DSTYK: variants seen among roughly 807,000 people sequenced by gnomAD.
DSTYK encodes RIP-homologous kinase.
DSTYK carries 34 observed loss-of-function variants against 98.7 expected under a neutral mutation model. The ratio of observed to expected loss-of-function variants is 0.34; its 90% CI spans 0.26 to 0.46. DSTYK has a LOEUF of 0.46. DSTYK is among the 20% of genes least tolerant of loss of function. The pLI is 1.00. For synonymous variants in DSTYK, 462 were observed against 457.3 expected (o/e 1.01, Z -0.13); for missense variants, 962 against 1,181.7 (o/e 0.81, Z 2.73).
At chr1:205,163,692 C>A in intron 4 of DSTYK, 31 bp downstream of exon 4, 1 of 1,563,700 alleles carries the variant, frequency 6.4e-7, no homozygotes, top group Non-Finnish European at 8.8e-7. Flanking sequence ...CTATCTATGA[C>A]ACGATGTCTT....
chr1:205,209,290 G>A (rs1452935165), intron 1 of DSTYK, among the ~76,000 whole-genome samples: 1 of 152,220 alleles, frequency 6.6e-6, no homozygotes, highest in East Asian at 1.9e-4. Context: ...AGCTGTGAGA[G>A]AAACTTCCGA....
intron 1 of DSTYK, among the ~76,000 whole-genome samples, chr1:205,203,349 G>A (rs377331342): frequency 2.0e-5 from 3 of 149,664 alleles, no homozygotes; most frequent in South Asian, 2.1e-4. Context: ...GGTGTGGTTC[G>A]CGCGTGCCTG....
At chr1:205,204,766 C>T (rs1317557104) in intron 1 of DSTYK, among the ~76,000 whole-genome samples, 1 of 152,162 alleles carries the variant, frequency 6.6e-6, no homozygotes, top group Admixed American at 6.5e-5. Flanking sequence ...TTTCTTCTCC[C>T]CACATCTCCT....
chr1:205,202,105 G>C (rs1205949381), intron 1 of DSTYK: 4 of 439,828 alleles, frequency 9.1e-6, no homozygotes, highest in African/African-American at 6.1e-5. Flanking sequence ...AAGGGAGAGG[G>C]GGAAGGGAGA....
chr1:205,167,930 C>T (rs1177308933), intron 3 of DSTYK, among the ~76,000 whole-genome samples: 1 of 152,062 alleles, frequency 6.6e-6, no homozygotes, highest in East Asian at 1.9e-4. Context: ...GATGAAACCC[C>T]GTCTCTACTA....
At chr1:205,190,615 CAAAA>C (rs760042971) in intron 1 of DSTYK, among the ~76,000 whole-genome samples, 1 of 71,910 alleles carries the variant, frequency 1.4e-5, no homozygotes, top group Non-Finnish European at 2.4e-5. Flanking sequence ...GACTCCATCT[CAAAA>C]AAAAAAAAAA....
chr1:205,206,583 C>CT (rs761643455), intron 1 of DSTYK, among the ~76,000 whole-genome samples: 3,418 of 109,618 alleles, frequency 0.031, 54 homozygotes, highest in East Asian at 0.088. Flanking sequence ...CTGGCCTGTT[C>CT]TTTTTTTTTT....
chr1:205,187,306 C>T (rs746231938), intron 2 of DSTYK, 112 bp downstream of exon 2: 2 of 1,270,266 alleles, frequency 1.6e-6, no homozygotes, highest in Admixed American at 2.8e-5. Flanking sequence ...CCACTAGCCA[C>T]TGCTGCTCAG....
At position 205,149,242 on chromosome 1, in the gene DSTYK, T is replaced by C. The variant is rs113183770; in HGVS notation, c.2468-903A>G. Among the ~76,000 whole-genome samples the C allele has an allele frequency of 3.7e-4, 56 of 151,546 alleles. 1 individual carries two copies. The highest frequency in any genetic ancestry group is 1.4e-3 in the African/African-American group (56 of 41,226). On this transcript the variant is annotated intron_variant, in intron 11 of 12. Transcript: ENST00000367162. ...TTAAGTAAATCAAGAGAAAGAAAAATGATGACTATCTACTTGGTTCAGATG... is the reference window on the plus strand; with the variant it reads ...TTAAGTAAATCAAGAGAAAGAAAAACGATGACTATCTACTTGGTTCAGATG...
At chr1:205,157,877 G>A (rs1657609671) in intron 9 of DSTYK, among the ~76,000 whole-genome samples, 1 of 152,116 alleles carries the variant, frequency 6.6e-6, no homozygotes, top group African/African-American at 2.4e-5. Flanking sequence ...CTTGCAGGCT[G>A]CAGTTAAGCC....
chr1:205,202,119 G>A (rs1659059276), intron 1 of DSTYK: 4 of 479,318 alleles, frequency 8.3e-6, no homozygotes, highest in South Asian at 1.6e-5. Flanking sequence ...AGGGAGAAGG[G>A]GAAGGGAAGG....
At chr1:205,195,491 A>G (rs1658839394) in intron 1 of DSTYK, among the ~76,000 whole-genome samples, 1 of 152,222 alleles carries the variant, frequency 6.6e-6, no homozygotes, top group Admixed American at 6.5e-5. Context: ...CTAAATTTTA[A>G]AGACTGACAC....
chr1:205,164,597 G>A lies in DSTYK; in HGVS notation c.1325-642C>T, dbSNP rs186563810. ...CTGCCTCAGCCTCCCGAGTAGCTGC[G>A]ACTACAGGCACCCGCCACCACGCCT... is the stretch of plus-strand genomic sequence containing the variant. On this transcript the variant is annotated intron_variant, in intron 3 of 12. Transcript: ENST00000367162. Among the ~76,000 whole-genome samples, 258 of 151,978 alleles carry A rather than the reference G, an allele frequency of 1.7e-3. 4 individuals are homozygous for A. The East Asian group carries it at 0.044, about 26-fold the overall frequency.
intron 2 of DSTYK, among the ~76,000 whole-genome samples, chr1:205,186,021 T>A (rs534879564): frequency 5.3e-5 from 8 of 151,382 alleles, no homozygotes; most frequent in African/African-American, 1.9e-4. Flanking sequence ...AGACTCCATC[T>A]CAAAAAAGAA....
intron 5 of DSTYK, 93 bp from the exon 6 acceptor site, chr1:205,162,305 A>AT (rs1168021180): frequency 6.9e-7 from 1 of 1,444,760 alleles, no homozygotes; most frequent in African/African-American, 1.4e-5. Context: ...TTACCCATTC[A>AT]TTAAGAGCAG....
In DSTYK at chr1:205,147,482, A is replaced by G. The variant is rs1035376090; in HGVS notation, c.*76T>C. 1.0e-5 allele frequency: 15 copies of G among 1,504,874 alleles called. No homozygotes were observed. The African/African-American group carries it at 1.8e-4, about 18-fold the overall frequency. The allele number at this position is 1,504,874 out of a possible 1,614,324, so 93.2% of individuals were successfully genotyped here. ...TGGGAGTGTGTCCTATAGTGAATAA[A>G]TGTCAAATTCTCCCCATGGCCAAAA... On this transcript the variant is annotated 3_prime_UTR_variant, in exon 13 of 13. Transcript: ENST00000367162.
intron 1 of DSTYK, among the ~76,000 whole-genome samples, chr1:205,209,363 G>A (rs1442905643): frequency 2.0e-5 from 3 of 152,134 alleles, no homozygotes; most frequent in African/African-American, 7.2e-5. Context: ...TCTGGGGATC[G>A]TCTCAGAAAA....
At chr1:205,158,066 A>C (rs1178233128) in intron 9 of DSTYK, among the ~76,000 whole-genome samples, 1 of 152,160 alleles carries the variant, frequency 6.6e-6, no homozygotes, top group Non-Finnish European at 1.5e-5. Flanking sequence ...GTTTGGTTTT[A>C]TGGATTCAAA....
At chr1:205,209,041 G>C (rs1394286275) in intron 1 of DSTYK, among the ~76,000 whole-genome samples, 5 of 152,186 alleles carry the variant, frequency 3.3e-5, no homozygotes, top group Admixed American at 6.5e-5. Context: ...ATGGTGAAGA[G>C]AGTTAAATAC....
Sources: allele counts gnomAD v4.1 joint callset (sites outside exome capture counted in the v4.1 genomes callset), GRCh38; gene constraint gnomAD v4.1.1; transcripts MANE v1.5; gene names NCBI Gene and HGNC (gene_info 2026-07-23, HGNC 2026-07-21).